Variants in NFATC1 observed in about 807,000 individuals in gnomAD.
NFATC1 encodes the protein nuclear factor of activated T cells 1, also known as nuclear factor of activated T-cells, cytoplasmic 1.
Under a neutral mutation model 76.0 loss-of-function variants are expected in NFATC1, and 22 were observed. The observed-to-expected ratio is 0.29, with a 90% CI of 0.21 to 0.41. The LOEUF (loss-of-function observed/expected upper bound fraction) is 0.41, where lower values mean the gene tolerates loss of function less well. Ranked by LOEUF, NFATC1 falls within the 10% of genes least tolerant of loss-of-function variation. The probability of loss-of-function intolerance (pLI) is 1.00; values close to 1 mark genes in which losing one functional copy is unlikely to be tolerated. For synonymous variants in NFATC1, 704 were observed against 613.1 expected, an observed-to-expected ratio of 1.15 and a Z score of -2.19; for missense variants, 1,357 against 1,337.7, an observed-to-expected ratio of 1.01 and a Z score of -0.23.
In NFATC1 at chr18:79,416,819, G is replaced by C. The variant is rs561928482; in HGVS notation, c.1226+5318G>C. Among the ~76,000 whole-genome samples the C allele has an allele frequency of 2.0e-5, 3 of 152,332 alleles. No individual in the cohort carries two copies. In the East Asian group the frequency reaches 5.8e-4, roughly 29 times the overall value. On this transcript the variant is annotated intron_variant, in intron 2 of 9. Transcript: ENST00000427363. ...CTGGTTCCCGCTAACCCTTGCTGGGGAGTCCCCCGCACAACCTGTCCTGCT... is the reference window on the plus strand; with the variant it reads ...CTGGTTCCCGCTAACCCTTGCTGGGCAGTCCCCCGCACAACCTGTCCTGCT...
chr18:79,487,255 A>C (rs938234808), intron 9 of NFATC1, among the ~76,000 whole-genome samples: 3 of 152,128 alleles, frequency 2.0e-5, no homozygotes, highest in Non-Finnish European at 2.9e-5. Flanking sequence ...TCTGCAGCTG[A>C]ATATGGAGCC....
rs7233684 is a variant in NFATC1 at position 79,486,444 on chromosome 18, C to A, written c.2289C>A (p.Gly763=). Residue 763 remains glycine, a synonymous_variant, in exon 9 of 10, where the codon GGC becomes GGA. Transcript: ENST00000427363. Reference sequence around the variant, plus strand: ...GCACCCTGATGCCAGCGGCCCCTGGCGTGAGCCCCAAGCTCCACGACCTTT... The same window carrying A: ...GCACCCTGATGCCAGCGGCCCCTGGAGTGAGCCCCAAGCTCCACGACCTTT... The part of the protein sequence containing the change: ...QRSTLMPAAP[G]VSPKLHDLSP... 29 of 1,611,718 alleles carry A rather than the reference C, an allele frequency of 1.8e-5. No homozygotes were observed. The highest frequency in any genetic ancestry group is 2.1e-5 in the Non-Finnish European group (25 of 1,179,868).
Position 79,443,205 on chromosome 18 carries a change from G to A in NFATC1, c.1387-5577G>A, listed in dbSNP as rs568814449. 2.0e-5 allele frequency among the ~76,000 whole-genome samples: 3 copies of A among 152,312 alleles called. No homozygotes were observed. In the East Asian group the frequency reaches 5.8e-4, roughly 29 times the overall value. ...TCACTAGGAAAGCAACTGTGTTCAC[G>A]GGAAGGATTCTCAGAATTGAGCTGA... On this transcript the variant is annotated intron_variant, in intron 3 of 9. Transcript: ENST00000427363.
chr18:79,486,883 C>G lies in NFATC1; in HGVS notation c.2728C>G (p.Pro910Ala), dbSNP rs1445063139. Reference sequence around the variant, plus strand: ...CGGTAGTCCTAATTTGGCCCCTATTCCTGTAACGGTCAAGCGAGAGCCTGA... The same window carrying G: ...CGGTAGTCCTAATTTGGCCCCTATTGCTGTAACGGTCAAGCGAGAGCCTGA... Reference protein sequence around the residue: ...EDGSPNLAPIPVTVKREPEEL... With the variant: ...EDGSPNLAPIAVTVKREPEEL... The change falls in exon 9 of 10, where the codon CCT (proline) becomes GCT (alanine). Residue 910 changes from proline (P) to alanine (A), a missense_variant. Around this residue, in one of 3 missense-constraint regions of NFATC1, gnomAD observed 424 missense variants for 395.4 expected, o/e 1.07. Coordinates refer to ENST00000427363, the MANE Select transcript of NFATC1 (RefSeq NM_001278669.2). 6.2e-7 allele frequency: 1 copy of G among 1,610,526 alleles called. No homozygotes were observed. The highest frequency in any genetic ancestry group is 1.1e-5 in the South Asian group (1 of 90,842).
intron 6 of NFATC1, among the ~76,000 whole-genome samples, chr18:79,452,701 G>C (rs531488000): frequency 2.6e-5 from 4 of 152,334 alleles, no homozygotes; most frequent in African/African-American, 7.2e-5. Flanking sequence ...CCTCAAGGGG[G>C]TTCAGGCAGA....
At position 79,465,267 on chromosome 18, in the gene NFATC1, G is replaced by A. The variant is rs573982682; in HGVS notation, c.1960-2183G>A. Reference sequence around the variant, plus strand: ...AGATAGTATTTTTGTCATATAATTTGTCTATTTAGAGAGTTGAAGTGGGTT... The same window carrying A: ...AGATAGTATTTTTGTCATATAATTTATCTATTTAGAGAGTTGAAGTGGGTT... On this transcript the variant is annotated intron_variant, in intron 7 of 9. Coordinates refer to ENST00000427363, the MANE Select transcript of NFATC1 (RefSeq NM_001278669.2). This position sits in a 1 kb window ranked among gnomAD's most constrained non-coding sequence, Gnocchi z 4.2. 2.6e-5 allele frequency among the ~76,000 whole-genome samples: 4 copies of A among 152,272 alleles called. No homozygotes were observed. In the South Asian group the frequency reaches 6.2e-4, roughly 24 times the overall value.
Position 79,527,703 on chromosome 18 carries a change from C to T in NFATC1, c.*126C>T. Reference sequence around the variant, plus strand: ...CCTCCAACTGACTGAATGCCAGGAGCTGAACATTAATATGTGCAAAGATTG... The same window carrying T: ...CCTCCAACTGACTGAATGCCAGGAGTTGAACATTAATATGTGCAAAGATTG... On this transcript the variant is annotated 3_prime_UTR_variant, in exon 10 of 10. Coordinates refer to ENST00000427363, the MANE Select transcript of NFATC1 (RefSeq NM_001278669.2). 1 of 837,330 alleles carries T rather than the reference C, an allele frequency of 1.2e-6. No individual in the cohort carries two copies. The highest frequency in any genetic ancestry group is 2.0e-6 in the Non-Finnish European group (1 of 506,638). The allele number at this position is 837,330 out of a possible 1,614,324, so 51.9% of individuals were successfully genotyped here.
At chr18:79,500,137 T>A (rs1027971481) in intron 9 of NFATC1, among the ~76,000 whole-genome samples, 2 of 152,106 alleles carry the variant, frequency 1.3e-5, no homozygotes, top group South Asian at 2.1e-4. Context: ...TGTAGGACAC[T>A]CTACAGAGTG....
intron 9 of NFATC1, chr18:79,493,766 G>A (rs1287319565): frequency 1.3e-5 from 2 of 152,258 alleles, no homozygotes; most frequent in South Asian, 2.1e-4. Flanking sequence ...CGTCGCAGAC[G>A]GCGGCTACCG....
chr18:79,412,468 C>A (rs1354229065), intron 2 of NFATC1, among the ~76,000 whole-genome samples: 1 of 151,798 alleles, frequency 6.6e-6, no homozygotes, highest in Non-Finnish European at 1.5e-5. Context: ...CCCCACCCCC[C>A]ACTCCTTTTT....
In NFATC1 at chr18:79,475,501, G is replaced by A. The variant is rs1252833455; in HGVS notation, c.2092+7919G>A. Among the ~76,000 whole-genome samples the A allele has an allele frequency of 4.0e-5, 6 of 150,494 alleles. No individual in the cohort carries two copies. The East Asian group carries it at 5.9e-4, about 15-fold the overall frequency. ...TTTTCACGCTCACTGTCGACGTTGC[G>A]ATGGAAGCGTGTTCTCATGCTCACC... On this transcript the variant is annotated intron_variant, in intron 8 of 9. Transcript: ENST00000427363.
chr18:79,442,414 C>G (rs1272469241), intron 3 of NFATC1, among the ~76,000 whole-genome samples: 2 of 152,242 alleles, frequency 1.3e-5, no homozygotes, highest in Non-Finnish European at 2.9e-5. Flanking sequence ...AAGAGGGGCT[C>G]CTGCCGCGTG....
intron 5 of NFATC1, 119 bp downstream of exon 5, chr18:79,451,245 AC>A: frequency 1.6e-6 from 2 of 1,254,302 alleles, no homozygotes; most frequent in Non-Finnish European, 2.2e-6. Context: ...TTCCCACCAA[AC>A]CCACCACAGT....
chr18:79,399,836 A>T (rs1442299748), intron 1 of NFATC1, among the ~76,000 whole-genome samples: 1 of 151,922 alleles, frequency 6.6e-6, no homozygotes, highest in Admixed American at 6.5e-5. Flanking sequence ...GTCGGGCTGA[A>T]ATCGGGGTTC....
intron 2 of NFATC1, among the ~76,000 whole-genome samples, chr18:79,429,290 G>A (rs1048790361): frequency 5.3e-5 from 8 of 151,040 alleles, no homozygotes; most frequent in African/African-American, 1.2e-4. Flanking sequence ...TGTGGGCGTC[G>A]GTCACCGTCC....
At chr18:79,426,412 A>G (rs959487727) in intron 2 of NFATC1, among the ~76,000 whole-genome samples, 3 of 152,044 alleles carry the variant, frequency 2.0e-5, no homozygotes, top group African/African-American at 7.2e-5. Context: ...CACGGGGGCC[A>G]CTGTCCTCCA....
At chr18:79,497,820 G>A (rs183771209) in intron 9 of NFATC1, 2 of 151,960 alleles carry the variant, frequency 1.3e-5, no homozygotes, top group East Asian at 1.9e-4. Context: ...GTGGCTCAAG[G>A]ATTTAAGGAA....
At chr18:79,483,590 G>A (rs574126846) in intron 8 of NFATC1, among the ~76,000 whole-genome samples, 1 of 140,134 alleles carries the variant, frequency 7.1e-6, no homozygotes, top group Admixed American at 7.0e-5. Flanking sequence ...CCTGGTTCCT[G>A]GGGCGTCACT....
At chr18:79,478,550 C>T (rs550135269) in intron 8 of NFATC1, among the ~76,000 whole-genome samples, 2 of 152,268 alleles carry the variant, frequency 1.3e-5, no homozygotes, top group African/African-American at 4.8e-5. Flanking sequence ...CTCCTGTTAC[C>T]GGGTAGGGAT....
Sources: allele counts gnomAD v4.1 joint callset (sites outside exome capture counted in the v4.1 genomes callset), GRCh38; gene constraint gnomAD v4.1.1; regional missense constraint gnomAD v4.1.1; non-coding constraint Gnocchi (gnomAD v3.1); transcripts MANE v1.5; gene names NCBI Gene and HGNC (gene_info 2026-07-23, HGNC 2026-07-21).